The following CCDC141 variants were observed in gnomAD, a reference collection of about 807,000 sequenced individuals.
The protein encoded by CCDC141 is coiled-coil domain-containing protein 141.
A neutral mutation model predicts 181.0 loss-of-function variants in CCDC141; 168 were observed. The observed-to-expected ratio is 0.93, with a 90% CI of 0.82 to 1.05. The LOEUF (loss-of-function observed/expected upper bound fraction) is 1.05. Ranked by LOEUF, CCDC141 falls within the 50% of genes least tolerant of loss-of-function variation. CCDC141 has a pLI of 0.00. For synonymous variants in CCDC141, 666 were observed against 642.3 expected (o/e 1.04, Z -0.56); for missense variants, 1,902 against 1,788.5 (o/e 1.06, Z -1.14).
chr2:178,972,847 G>A (rs553097069), intron 4 of CCDC141, among the ~76,000 whole-genome samples: 4 of 152,226 alleles, frequency 2.6e-5, no homozygotes, highest in Admixed American at 1.3e-4. Flanking sequence ...TCTAACTTCC[G>A]TAGTGTTAAA....
At chr2:178,872,352 A>C in intron 12 of CCDC141, 40 bp from the exon 13 acceptor site, 1 of 1,530,906 alleles carries the variant, frequency 6.5e-7, no homozygotes, top group South Asian at 1.2e-5. Flanking sequence ...TTTCTTTCCC[A>C]AGAGATACAG....
At chr2:178,982,820 A>C (rs2154381310) in intron 2 of CCDC141, among the ~76,000 whole-genome samples, 1 of 152,214 alleles carries the variant, frequency 6.6e-6, no homozygotes, top group Admixed American at 6.5e-5. Context: ...GTCCTACCCC[A>C]CAGAGTCTCC....
intron 7 of CCDC141, among the ~76,000 whole-genome samples, chr2:178,907,988 A>G (rs1688050239): frequency 6.6e-6 from 1 of 152,002 alleles, no homozygotes. Flanking sequence ...AACAAGAGTG[A>G]AACTCCGTCT....
intron 5 of CCDC141, among the ~76,000 whole-genome samples, chr2:178,952,028 T>A (rs1307746636): frequency 1.3e-5 from 2 of 152,232 alleles, no homozygotes; most frequent in Non-Finnish European, 1.5e-5. Context: ...TAAGTATAAG[T>A]GATCTAAAGA....
the CCDC141 span, among the ~76,000 whole-genome samples, chr2:178,819,644 T>C: frequency 6.6e-6 from 1 of 152,148 alleles, no homozygotes; most frequent in African/African-American, 2.4e-5. Flanking sequence ...ACATCATGGT[T>C]GTTACATCTG....
intron 5 of CCDC141, among the ~76,000 whole-genome samples, chr2:178,949,515 T>C (rs1386952604): frequency 1.3e-5 from 2 of 152,186 alleles, no homozygotes; most frequent in African/African-American, 4.8e-5. Flanking sequence ...TATATACATC[T>C]GCAGAAAGAA....
At chr2:178,978,750 T>C (rs1691234931) in intron 2 of CCDC141, 75 bp from the exon 3 acceptor site, 1 of 1,138,984 alleles carries the variant, frequency 8.8e-7, no homozygotes, top group African/African-American at 1.6e-5. Flanking sequence ...TTTAAACACT[T>C]GGATAGTAGA....
At chr2:178,944,177 A>G (rs1689634611) in intron 6 of CCDC141, among the ~76,000 whole-genome samples, 1 of 152,196 alleles carries the variant, frequency 6.6e-6, no homozygotes, top group South Asian at 2.1e-4. Context: ...TGGCATTTCC[A>G]AGCCTTTTTG....
chr2:179,010,018 C>A (rs1021006976), intron 2 of CCDC141, among the ~76,000 whole-genome samples: 7 of 151,968 alleles, frequency 4.6e-5, no homozygotes, highest in Non-Finnish European at 8.8e-5. Flanking sequence ...TGGAAAGTCA[C>A]AAAATAGAAT....
intron 12 of CCDC141, chr2:178,873,437 A>AC (rs1194023450): frequency 6.6e-6 from 1 of 152,118 alleles, no homozygotes; most frequent in African/African-American, 2.4e-5. Flanking sequence ...AGCAGAATTC[A>AC]CCCCAAATTA....
At chr2:178,987,764 A>G (rs933375826) in intron 2 of CCDC141, among the ~76,000 whole-genome samples, 10 of 150,650 alleles carry the variant, frequency 6.6e-5, no homozygotes, top group African/African-American at 1.5e-4. Flanking sequence ...CAAAACCACA[A>G]TGAGATACCA....
At chr2:179,026,724 GC>G (rs2042856605) in intron 2 of CCDC141, among the ~76,000 whole-genome samples, 1 of 152,214 alleles carries the variant, frequency 6.6e-6, no homozygotes, top group Non-Finnish European at 1.5e-5. Context: ...GACGCACAAT[GC>G]CAGCTCATGA....
intron 12 of CCDC141, chr2:178,874,546 G>A (rs1027525806): frequency 6.6e-6 from 1 of 152,146 alleles, no homozygotes; most frequent in Non-Finnish European, 1.5e-5. Flanking sequence ...AAGTAACAAA[G>A]GACTTCTGAG....
intron 20 of CCDC141, among the ~76,000 whole-genome samples, chr2:178,850,506 TC>T (rs982031139): frequency 2.2e-4 from 34 of 152,258 alleles, no homozygotes; most frequent in Admixed American, 2.0e-3. Context: ...GGCATTCAAG[TC>T]CCTTCCATAA....
intron 2 of CCDC141, among the ~76,000 whole-genome samples, chr2:178,995,542 G>A (rs1212910747): frequency 1.3e-5 from 2 of 152,034 alleles, no homozygotes; most frequent in East Asian, 3.9e-4. Flanking sequence ...TCCTTTATTG[G>A]CACATTATGT....
At chr2:178,884,473 C>T (rs1002039439) in intron 11 of CCDC141, among the ~76,000 whole-genome samples, 2 of 152,214 alleles carry the variant, frequency 1.3e-5, no homozygotes, top group Middle Eastern at 3.4e-3. Context: ...TTTACTTTTT[C>T]CCCATGTAAA....
rs1171202151 is a variant in CCDC141 at position 178,832,493 on chromosome 2, C to CAAAAAAAAAA, written c.*1679_*1680insTTTTTTTTTT. The CAAAAAAAAAA allele has an allele frequency of 8.5e-6, 1 of 117,214 alleles. No individual in the cohort carries two copies. The highest frequency in any genetic ancestry group is 3.0e-5 in the African/African-American group (1 of 33,518). 7.3% of individuals were successfully genotyped at this position (117,214 alleles called of 1,614,324 possible). ...AAAAAAAAAAAAAAAACAAAAAAAA[C>CAAAAAAAAAA]AAAAAAAAGATAGTTAAGAGAAATT... On this transcript the variant is annotated 3_prime_UTR_variant, in exon 24 of 24. Coordinates refer to ENST00000443758, the MANE Select transcript of CCDC141 (RefSeq NM_173648.4).
intron 22 of CCDC141, among the ~76,000 whole-genome samples, chr2:178,839,529 G>A (rs912854425): frequency 1.6e-5 from 2 of 128,284 alleles, no homozygotes. Context: ...AGCCGAGATC[G>A]AGATCGTGCC....
intron 5 of CCDC141, among the ~76,000 whole-genome samples, chr2:178,945,178 C>T (rs1012134775): frequency 2.0e-5 from 3 of 152,118 alleles, no homozygotes; most frequent in Non-Finnish European, 4.4e-5. Flanking sequence ...ATTTATAATA[C>T]ATGCCATATA....
Sources: gnomAD v4.1 joint callset for allele counts (sites outside exome capture counted in the v4.1 genomes callset) on GRCh38, gnomAD v4.1.1 for gene constraint, MANE v1.5 for transcripts, NCBI Gene and HGNC (gene_info 2026-07-23, HGNC 2026-07-21) for gene names.